The following ANK3 variants were observed in gnomAD, a reference collection of about 807,000 sequenced individuals.
ANK3 encodes ankyrin-3.
Under a neutral mutation model 370.9 loss-of-function variants are expected in ANK3, and 57 were observed. The observed-to-expected ratio is 0.15, with a 90% CI of 0.12 to 0.19. ANK3 has a LOEUF of 0.19. ANK3 is among the 10% of genes least tolerant of loss of function. The pLI, the probability that ANK3 is intolerant of heterozygous loss-of-function variation, is 1.00. For missense variants in ANK3, 4,439 were observed against 5,302.1 expected (o/e 0.84, Z 5.06); for synonymous variants, 1,929 against 1,946.3 (o/e 0.99, Z 0.23).
At chr10:60,666,677 A>G (rs953383937) in intron 1 of ANK3, among the ~76,000 whole-genome samples, 12 of 152,196 alleles carry the variant, frequency 7.9e-5, no homozygotes, top group African/African-American at 2.9e-4. Context: ...ACCTATTCAA[A>G]AATTATATTG....
chr10:60,426,073 G>T (rs906560248), intron 2 of ANK3, among the ~76,000 whole-genome samples: 3 of 152,066 alleles, frequency 2.0e-5, no homozygotes, highest in Admixed American at 1.3e-4. Flanking sequence ...ATTTGAAAAA[G>T]CTTGAAGTGG....
At chr10:60,605,822 C>T (rs2078121739) in intron 2 of ANK3, among the ~76,000 whole-genome samples, 1 of 152,126 alleles carries the variant, frequency 6.6e-6, no homozygotes, top group Admixed American at 6.6e-5. Context: ...CTGCTCATTT[C>T]ATAAGGATGA....
At chr10:60,064,668 C>CACAACAACAACA (rs56381045) in intron 38 of ANK3, among the ~76,000 whole-genome samples, 28 of 110,424 alleles carry the variant, frequency 2.5e-4, no homozygotes, top group African/African-American at 1.1e-3. Context: ...TCTCCATACA[C>CACAACAACAACA]ACAGCAACAA....
intron 42 of ANK3, among the ~76,000 whole-genome samples, chr10:60,055,251 G>GATCCTTTCT (rs1554838360): frequency 3.0e-4 from 46 of 152,232 alleles, no homozygotes; most frequent in Admixed American, 1.9e-3. Context: ...TTTATGCCAA[G>GATCCTTTCT]GAGCCAGAAA....
chr10:60,566,241 A>C (rs965642428), intron 2 of ANK3, among the ~76,000 whole-genome samples: 2 of 152,070 alleles, frequency 1.3e-5, no homozygotes, highest in East Asian at 3.9e-4. Context: ...TTCTCTCTCC[A>C]TCTACCTGGG....
intron 1 of ANK3, among the ~76,000 whole-genome samples, chr10:60,389,110 G>A (rs2132867802): frequency 6.6e-6 from 1 of 152,076 alleles, no homozygotes; most frequent in South Asian, 2.1e-4. Flanking sequence ...CCTTGACTGG[G>A]CTGTGAAGAA....
At chr10:60,125,753 T>C (rs2093724697) in intron 25 of ANK3, among the ~76,000 whole-genome samples, 1 of 152,132 alleles carries the variant, frequency 6.6e-6, no homozygotes, top group Non-Finnish European at 1.5e-5. Context: ...GCATAGGCAG[T>C]CTTTTGGGTT....
intron 16 of ANK3, among the ~76,000 whole-genome samples, chr10:60,187,261 T>A (rs2096366783): frequency 1.3e-5 from 2 of 152,148 alleles, no homozygotes; most frequent in Admixed American, 1.3e-4. Flanking sequence ...GTTCACGCCA[T>A]TCTCCTGCCT....
chr10:60,619,791 C>T (rs558537999), intron 1 of ANK3, among the ~76,000 whole-genome samples: 2 of 152,292 alleles, frequency 1.3e-5, no homozygotes, highest in South Asian at 4.1e-4. Flanking sequence ...TGCCAAGTTC[C>T]TCCTGTTTGC....
intron 24 of ANK3, chr10:60,138,532 GCTCT>G (rs936098474): frequency 2.5e-6 from 1 of 401,022 alleles, no homozygotes; most frequent in African/African-American, 2.1e-5. Flanking sequence ...TTTCAAAAAT[GCTCT>G]CTTTTAATCA....
chr10:60,676,788 A>G (rs1210066521), intron 1 of ANK3, among the ~76,000 whole-genome samples: 1 of 152,220 alleles, frequency 6.6e-6, no homozygotes, highest in Non-Finnish European at 1.5e-5. Flanking sequence ...TAATAGTTTC[A>G]AATATACGGT....
At chr10:60,137,372 A>AG in intron 24 of ANK3, 1 of 344,494 alleles carries the variant, frequency 2.9e-6, no homozygotes, top group South Asian at 2.2e-5. Flanking sequence ...AAGTAATTTT[A>AG]GGAAAAAAAA....
intron 43 of ANK3, 101 bp downstream of exon 43, chr10:60,042,571 G>C (rs998696857): frequency 8.4e-7 from 1 of 1,191,644 alleles, no homozygotes; most frequent in Non-Finnish European, 1.2e-6. Context: ...GAAATTCAGT[G>C]AAAAGGAAAG....
chr10:60,671,158 T>C (rs2079060145), intron 1 of ANK3, among the ~76,000 whole-genome samples: 1 of 152,224 alleles, frequency 6.6e-6, no homozygotes, highest in Non-Finnish European at 1.5e-5. Flanking sequence ...AATATAAATA[T>C]ACCATTGCAT....
intron 8 of ANK3, among the ~76,000 whole-genome samples, chr10:60,220,596 C>T (rs2132483499): frequency 6.6e-6 from 1 of 152,294 alleles, no homozygotes; most frequent in Non-Finnish European, 1.5e-5. Flanking sequence ...ACTCTTTCAA[C>T]CTGAATAACT....
chr10:60,102,078 A>G (rs534904537), intron 28 of ANK3, among the ~76,000 whole-genome samples: 1 of 151,462 alleles, frequency 6.6e-6, no homozygotes, highest in South Asian at 2.1e-4. Flanking sequence ...ATCAACGATG[A>G]CCAGGGCTTT....
chr10:60,237,654 C>T lies in ANK3; in HGVS notation c.799-2868G>A, dbSNP rs117859478. Among the ~76,000 whole-genome samples the T allele has an allele frequency of 7.3e-3, 1,106 of 151,336 alleles. 5 individuals carry two copies. The highest frequency in any genetic ancestry group is 0.012 in the Non-Finnish European group (789 of 67,922). ...TTATTATACTTTAAGTTTTAGGGTACATGTGCACAATGTGCAGGTTAGTTA... is the reference window on the plus strand; with the variant it reads ...TTATTATACTTTAAGTTTTAGGGTATATGTGCACAATGTGCAGGTTAGTTA... On this transcript the variant is annotated intron_variant, in intron 7 of 43. Transcript: ENST00000280772.
intron 1 of ANK3, among the ~76,000 whole-genome samples, chr10:60,709,326 TA>T (rs1481908084): frequency 7.1e-6 from 1 of 141,458 alleles, no homozygotes; most frequent in Non-Finnish European, 1.6e-5. Flanking sequence ...TCTATATCTA[TA>T]TCTATATCTA....
intron 1 of ANK3, among the ~76,000 whole-genome samples, chr10:60,712,115 G>A (rs930658755): frequency 3.3e-5 from 5 of 152,214 alleles, no homozygotes; most frequent in Admixed American, 6.5e-5. Context: ...GGAGGCTGAG[G>A]TGGGAGGATT....
Sources: allele counts gnomAD v4.1 joint callset (sites outside exome capture counted in the v4.1 genomes callset), GRCh38; gene constraint gnomAD v4.1.1; transcripts MANE v1.5; gene names NCBI Gene and HGNC (gene_info 2026-07-23, HGNC 2026-07-21).